YES1: variants seen among roughly 807,000 people sequenced by gnomAD.
YES1 encodes the protein tyrosine-protein kinase Yes.
In YES1, 39 loss-of-function variants were observed where a neutral mutation model predicts 70.4. The ratio of observed to expected loss-of-function variants is 0.55; its 90% CI spans 0.43 to 0.72. YES1 has a LOEUF of 0.72. YES1 is among the 30% of genes least tolerant of loss of function. The probability of loss-of-function intolerance (pLI) is 0.00; values close to 1 mark genes in which losing one functional copy is unlikely to be tolerated. For missense variants in YES1, 495 were observed against 644.8 expected (o/e 0.77, Z 2.52); for synonymous variants, 198 against 218.6 (o/e 0.91, Z 0.83).
At chr18:777,269 T>C (rs1905429616) in intron 1 of YES1, among the ~76,000 whole-genome samples, 1 of 152,220 alleles carries the variant, frequency 6.6e-6, no homozygotes, top group African/African-American at 2.4e-5. Context: ...CTAATTGTTT[T>C]ATATATGTAT....
In YES1 at chr18:740,920, C is replaced by T. The variant is rs139822727; in HGVS notation, c.1061-1109G>A. Among the ~76,000 whole-genome samples, 19 of 152,182 alleles carry T rather than the reference C, an allele frequency of 1.2e-4. 1 individual carries two copies. The highest frequency in any genetic ancestry group is 1.0e-3 in the South Asian group (5 of 4,820). ...TGTTAAAGTCTTTATTTATTTGAAA[C>T]GGAGTCTCACTCAGTCACCCAGGCT... is the stretch of plus-strand genomic sequence containing the variant. On this transcript the variant is annotated intron_variant, in intron 8 of 11. Coordinates refer to ENST00000314574, the MANE Select transcript of YES1 (RefSeq NM_005433.4).
chr18:787,314 G>C (rs926837845), intron 1 of YES1, among the ~76,000 whole-genome samples: 5 of 150,962 alleles, frequency 3.3e-5, no homozygotes, highest in Non-Finnish European at 5.9e-5. Context: ...GACCAGGCTG[G>C]TCTCAAACTC....
At chr18:799,188 G>A (rs1906694811) in intron 1 of YES1, among the ~76,000 whole-genome samples, 1 of 152,142 alleles carries the variant, frequency 6.6e-6, no homozygotes, top group African/African-American at 2.4e-5. Flanking sequence ...CCATACAGAT[G>A]TCTAACTTGT....
At chr18:767,993 G>GC (rs1423729119) in intron 1 of YES1, among the ~76,000 whole-genome samples, 1 of 152,154 alleles carries the variant, frequency 6.6e-6, no homozygotes. Flanking sequence ...GAGCCACTGT[G>GC]CCCAGCCTTT....
Position 745,720 on chromosome 18 carries a change from T to C in YES1, c.712A>G (p.Lys238Glu). Residue 238 changes from lysine to glutamate, a missense_variant, in exon 6 of 12, where the codon AAA (lysine) becomes GAA (glutamate). Coordinates refer to ENST00000314574, the MANE Select transcript of YES1 (RefSeq NM_005433.4). ...AQFDTLQKLV[K>E]HYTEHADGLC... ...AATATTCACATACCTGTGTAGTGTT[T>C]CACCAATTTCTGCAGAGTATCAAAT... The C allele has an allele frequency of 6.2e-7, 1 of 1,608,936 alleles. No individual in the cohort carries two copies. The highest frequency in any genetic ancestry group is 8.5e-7 in the Non-Finnish European group (1 of 1,178,824).
At chr18:740,417 G>A (rs1317719159) in intron 8 of YES1, among the ~76,000 whole-genome samples, 1 of 152,186 alleles carries the variant, frequency 6.6e-6, no homozygotes, top group Non-Finnish European at 1.5e-5. Context: ...CAATGCTATG[G>A]AAGACAGAGG....
At chr18:787,744 C>A (rs1200084848) in intron 1 of YES1, among the ~76,000 whole-genome samples, 5 of 152,130 alleles carry the variant, frequency 3.3e-5, no homozygotes, top group South Asian at 2.1e-4. Flanking sequence ...ATTATCAATT[C>A]TTTTCCCCAT....
At chr18:737,444 C>T (rs1191372438) in intron 9 of YES1, 2 of 152,674 alleles carry the variant, frequency 1.3e-5, no homozygotes, top group African/African-American at 4.8e-5. Flanking sequence ...CAGAGCGAGA[C>T]TCAGCCTCAA....
At chr18:784,881 T>A (rs1469105128) in intron 1 of YES1, among the ~76,000 whole-genome samples, 1 of 152,382 alleles carries the variant, frequency 6.6e-6, no homozygotes, top group African/African-American at 2.4e-5. Flanking sequence ...CTCTTTACCA[T>A]GTAACCTAAT....
chr18:779,703 A>C (rs1227388915), intron 1 of YES1, among the ~76,000 whole-genome samples: 1 of 152,138 alleles, frequency 6.6e-6, no homozygotes, highest in Non-Finnish European at 1.5e-5. Flanking sequence ...CTATCTCAAG[A>C]ATCTTTATTC....
intron 1 of YES1, among the ~76,000 whole-genome samples, chr18:768,790 C>T (rs1358337700): frequency 6.6e-6 from 1 of 151,734 alleles, no homozygotes; most frequent in African/African-American, 2.4e-5. Flanking sequence ...GCAACCTCCG[C>T]TTCCCAGGTT....
chr18:739,702 A>T, intron 9 of YES1, 33 bp downstream of exon 9: 2 of 1,491,540 alleles, frequency 1.3e-6, no homozygotes, highest in Non-Finnish European at 1.8e-6. Context: ...TTACACTTTT[A>T]ATTCAAATGG....
chr18:751,516 GAAGT>G (rs1374434351), intron 3 of YES1, among the ~76,000 whole-genome samples, 185 bp downstream of exon 3: 3 of 152,102 alleles, frequency 2.0e-5, no homozygotes, highest in African/African-American at 7.2e-5. Context: ...ACAAATTGTA[GAAGT>G]AATAACTTCT....
chr18:734,441 C>T (rs1321832298), intron 10 of YES1, among the ~76,000 whole-genome samples: 2 of 150,126 alleles, frequency 1.3e-5, no homozygotes, highest in Non-Finnish European at 3.0e-5. Flanking sequence ...CACCTGTAGT[C>T]CCAGCTACTC....
At chr18:758,473 A>C in intron 1 of YES1, among the ~76,000 whole-genome samples, 1 of 151,976 alleles carries the variant, frequency 6.6e-6, no homozygotes. Context: ...ACACACACAA[A>C]TCTTGTTTCC....
chr18:759,707 CT>C (rs1037573527), intron 1 of YES1, among the ~76,000 whole-genome samples: 3 of 121,302 alleles, frequency 2.5e-5, no homozygotes, highest in Non-Finnish European at 5.2e-5. Context: ...TTATTTATTT[CT>C]TTTTTTCTTT....
chr18:755,766 G>A (rs1459379896), intron 2 of YES1, among the ~76,000 whole-genome samples: 1 of 152,130 alleles, frequency 6.6e-6, no homozygotes, highest in Non-Finnish European at 1.5e-5. Context: ...AGTCCTTGAT[G>A]ACACCATGGA....
At chr18:729,253 A>G (rs187968637) in intron 11 of YES1, among the ~76,000 whole-genome samples, 4 of 152,060 alleles carry the variant, frequency 2.6e-5, no homozygotes, top group African/African-American at 4.8e-5. Flanking sequence ...TACAGTTCTA[A>G]AATTTCCATT....
intron 11 of YES1, among the ~76,000 whole-genome samples, chr18:728,751 C>T (rs759601009): frequency 1.3e-5 from 2 of 152,142 alleles, no homozygotes; most frequent in Non-Finnish European, 2.9e-5. Context: ...GTCTCAAACC[C>T]CTGACCTCGT....
Sources: allele counts gnomAD v4.1 joint callset (sites outside exome capture counted in the v4.1 genomes callset), GRCh38; gene constraint gnomAD v4.1.1; transcripts MANE v1.5; gene names NCBI Gene and HGNC (gene_info 2026-07-23, HGNC 2026-07-21).